Variants in STXBP2 observed in about 807,000 individuals in gnomAD.
STXBP2 encodes syntaxin-binding protein 2.
STXBP2 carries 47 observed loss-of-function variants against 72.2 expected under a neutral mutation model. The observed-to-expected ratio is 0.65, with a 90% confidence interval of 0.51 to 0.83. The LOEUF (loss-of-function observed/expected upper bound fraction) is 0.83. Ranked by LOEUF, STXBP2 falls within the 40% of genes least tolerant of loss-of-function variation. The pLI, the probability that STXBP2 is intolerant of heterozygous loss-of-function variation, is 0.00. For missense variants in STXBP2, 702 were observed against 807.6 expected, an observed-to-expected ratio of 0.87 and a Z score of 1.58; for synonymous variants, 367 against 338.7, an observed-to-expected ratio of 1.08 and a Z score of -0.92.
rs763174109 is a variant in STXBP2, at chr19:7,642,455, C to T, written c.821C>T (p.Ala274Val). The T allele has an allele frequency of 1.9e-5, 30 of 1,613,894 alleles. No homozygotes were observed. The highest frequency in any genetic ancestry group is 8.3e-5 in the Admixed American group (5 of 60,002). Residue 274 changes from alanine to valine, a missense_variant, in exon 10 of 19, where the codon GCG (alanine) becomes GTG (valine). Physicochemically the swap from Ala to Val is moderately conservative, Grantham distance 64. Coordinates refer to ENST00000221283, the MANE Select transcript of STXBP2 (RefSeq NM_006949.4). The surrounding 1 kb of genome is among the most constrained non-coding windows in gnomAD (Gnocchi z 6.0). ...TATGAGACCACCGGGCTGAGCGAGGCGCGGGAGAAGGCCGTCTTGCTGGAC... is the reference window on the plus strand; with the variant it reads ...TATGAGACCACCGGGCTGAGCGAGGTGCGGGAGAAGGCCGTCTTGCTGGAC... ...YRYETTGLSE[A>V]REKAVLLDED...
intron 4 of STXBP2, chr19:7,640,352 G>C (rs1339749720): frequency 1.8e-6 from 1 of 560,030 alleles, no homozygotes; most frequent in African/African-American, 1.9e-5. Flanking sequence ...GTATGCGTCT[G>C]TGCATGTGTG....
Position 7,644,712 on chromosome 19 carries a change from C to A in STXBP2, c.1206C>A (p.Asp402Glu). Residue 402 changes from aspartate (D) to glutamate (E), a missense_variant, in exon 14 of 19, where the codon GAC (aspartate) becomes GAA (glutamate). Physicochemically the swap from Asp to Glu is conservative, Grantham distance 45. Coordinates refer to ENST00000221283, the MANE Select transcript of STXBP2 (RefSeq NM_006949.4). ...TGGACGCGGCGGTGCCCGCCTACGACAAGATCCGGGTCCTGCTGCTCTACA... is the reference window on the plus strand; with the variant it reads ...TGGACGCGGCGGTGCCCGCCTACGAAAAGATCCGGGTCCTGCTGCTCTACA... ...VLLDAAVPAYDKIRVLLLYIL... is the reference protein window; with the variant it reads ...VLLDAAVPAYEKIRVLLLYIL... The A allele has an allele frequency of 6.2e-7, 1 of 1,613,798 alleles. No individual in the cohort carries two copies. Among genetic ancestry groups the A allele is most frequent in the Non-Finnish European group, 8.5e-7 (1 of 1,179,860 alleles).
At chr19:7,645,889 T>G in intron 15 of STXBP2, 1 of 375,810 alleles carries the variant, frequency 2.7e-6, no homozygotes, top group East Asian at 4.7e-5. Flanking sequence ...CTTGCTCCCC[T>G]CCCCTCTCCG....
chr19:7,633,332 C>A, upstream of STXBP2: 3 of 1,373,078 alleles, frequency 2.2e-6, no homozygotes, highest in South Asian at 3.8e-5. Context: ...AATTAGGTGC[C>A]CTACAAACTA....
rs774398234 is a variant in STXBP2, at chr19:7,646,449, C to T, written c.1452+105C>T. 1.4e-5 allele frequency: 15 copies of T among 1,056,394 alleles called. No homozygotes were observed. In the East Asian group the frequency reaches 2.3e-4, roughly 16 times the overall value. The allele number at this position is 1,056,394 out of a possible 1,614,324, so 65.4% of individuals were successfully genotyped here. Reference sequence around the variant, plus strand: ...GCCTCAGGGCTTAGGGGAAAATGCTCATTGCTGGCATTCCCTTGGCACCGA... The same window carrying T: ...GCCTCAGGGCTTAGGGGAAAATGCTTATTGCTGGCATTCCCTTGGCACCGA... On this transcript the variant is annotated intron_variant, in intron 16 of 18. Transcript: ENST00000221283.
chr19:7,631,309 C>T, the STXBP2 span: 31 of 1,412,520 alleles, frequency 2.2e-5, no homozygotes, highest in Admixed American at 3.0e-4. Flanking sequence ...GCGGATCCCA[C>T]GCGGACCCCT....
At position 7,647,648 on chromosome 19, in the gene STXBP2, C is replaced by A. The variant is rs2032190572; in HGVS notation, c.1697-77C>A. The A allele has an allele frequency of 1.1e-5, 18 of 1,599,962 alleles. No individual in the cohort carries two copies. In the South Asian group the frequency reaches 1.7e-4, roughly 15 times the overall value. ...GCTGAGGGACAGGGACAGCCCCACA[C>A]CAGCCGGGACCGGGAGCCTGTCAAA... is the stretch of plus-strand genomic sequence containing the variant. On this transcript the variant is annotated intron_variant, in intron 18 of 18. Coordinates refer to ENST00000221283, the MANE Select transcript of STXBP2 (RefSeq NM_006949.4).
Position 7,647,213 on chromosome 19 carries a change from C to T in STXBP2, c.1504C>T (p.Pro502Ser). 1 of 1,611,908 alleles carries T rather than the reference C, an allele frequency of 6.2e-7. No homozygotes were observed. The highest frequency in any genetic ancestry group is 8.5e-7 in the Non-Finnish European group (1 of 1,179,812). Residue 502 changes from proline to serine, a missense_variant, in exon 17 of 19, where the codon CCC becomes TCC. Pro to Ser is a moderately conservative substitution (Grantham distance 74, BLOSUM62 -1). Transcript: ENST00000221283. ...GAACCTGTGGCCCTTCGTATCCGAC[C>T]CCGCCCCCACGGCCAGCTCCCAGGC... ...DRNLWPFVSDPAPTASSQAAV... is the reference protein window; with the variant it reads ...DRNLWPFVSDSAPTASSQAAV...
At position 7,642,318 on chromosome 19, in the gene STXBP2, A is replaced by G; in HGVS notation, c.779A>G (p.Glu260Gly). 1 of 1,614,096 alleles carries G rather than the reference A, an allele frequency of 6.2e-7. No homozygotes were observed. Among genetic ancestry groups the G allele is most frequent in the South Asian group, 1.1e-5 (1 of 91,086 alleles). ...ATGGCGTATGATCTGCTGGACATAG[A>G]GCAGGACACATACAGGTCTGCAGAC... Reference protein sequence around the residue: ...QAMAYDLLDIEQDTYRYETTG... With the variant: ...QAMAYDLLDIGQDTYRYETTG... The change falls in exon 9 of 19, where the codon GAG becomes GGG. Residue 260 changes from glutamate (E) to glycine (G), a missense_variant. Physicochemically the swap from Glu to Gly is moderately conservative, Grantham distance 98. Coordinates refer to ENST00000221283, the MANE Select transcript of STXBP2 (RefSeq NM_006949.4). This position sits in a 1 kb window ranked among gnomAD's most constrained non-coding sequence, Gnocchi z 6.0.
chr19:7,636,933 C>T (rs1235470793), upstream of STXBP2: 1 of 411,226 alleles, frequency 2.4e-6, no homozygotes, highest in South Asian at 1.4e-4. Flanking sequence ...GTGTGCACCT[C>T]CAGCGACTTC....
intron 13 of STXBP2, 68 bp downstream of exon 13, chr19:7,643,313 A>C: frequency 2.1e-6 from 3 of 1,406,392 alleles, no homozygotes; most frequent in Non-Finnish European, 3.0e-6. Flanking sequence ...GAGGGGCTGA[A>C]CTGTAGAGAT....
rs1568469296 is a variant in STXBP2, at chr19:7,644,015, T to TTGGAGAG, written c.1108-599_1108-598insTGGAGAG. 2.2e-3 allele frequency among the ~76,000 whole-genome samples: 318 copies of TTGGAGAG among 142,794 alleles called. 21 individuals carry two copies. Among genetic ancestry groups the TTGGAGAG allele is most frequent in the Admixed American group, 7.1e-3 (100 of 14,168 alleles). The allele number at this position is 142,794 out of a possible 152,430, so 93.7% of individuals were successfully genotyped here. A position where few individuals can be genotyped will look rare whatever the true frequency, so the allele number is the denominator to read the frequency against. On this transcript the variant is annotated intron_variant, in intron 13 of 18. Coordinates refer to ENST00000221283, the MANE Select transcript of STXBP2 (RefSeq NM_006949.4). ...TGGGACCTGGGTGAGGGGTGGAACC[T>TTGGAGAG]CGGAGAGGTGGGACCTGGGTGAGGG...
rs142899327 is a variant in STXBP2 at position 7,641,815 on chromosome 19, C to T, written c.540C>T (p.Cys180=). 11 of 1,551,870 alleles carry T rather than the reference C, an allele frequency of 7.1e-6. No homozygotes were observed. The African/African-American group carries it at 1.1e-4, about 15-fold the overall frequency. ...EVLAQQIATL[C]ATLQEYPAIR... is the part of the protein sequence containing the mutation. The stretch of plus-strand genomic sequence containing the variant: ...TGGCCCAGCAGATTGCCACGCTGTG[C>T]GCCACCCTGCAGGAGTACCCGGCCA... Residue 180 remains cysteine (C), a synonymous_variant, in exon 7 of 19, where the codon TGC becomes TGT. Coordinates refer to ENST00000221283, the MANE Select transcript of STXBP2 (RefSeq NM_006949.4).
In STXBP2 at chr19:7,643,357, G is replaced by C. The variant is rs371745036; in HGVS notation, c.1107+112G>C. ...CTGGGGGAGGGGCAGGGCTTGTGGA[G>C]AGGTGGAGGGGCCTTGGAGAGAGGT... On this transcript the variant is annotated intron_variant, in intron 13 of 18. Transcript: ENST00000221283. 2.0e-5 allele frequency: 24 copies of C among 1,198,484 alleles called. No homozygotes were observed. In the East Asian group the frequency reaches 5.8e-4, roughly 29 times the overall value. The allele number at this position is 1,198,484 out of a possible 1,614,324, so 74.2% of individuals were successfully genotyped here.
At chr19:7,634,514 T>G (rs2031456128), upstream of STXBP2, among the ~76,000 whole-genome samples, 1 of 152,206 alleles carries the variant, frequency 6.6e-6, no homozygotes, top group South Asian at 2.1e-4. Flanking sequence ...CCAGATGGCT[T>G]AAAACACATA....
intron 1 of STXBP2, 90 bp from the exon 2 acceptor site, chr19:7,638,636 A>AT: frequency 3.0e-6 from 4 of 1,319,028 alleles, no homozygotes; most frequent in Non-Finnish European, 4.3e-6. Context: ...GGGAATTAAG[A>AT]TGGGGGTTCA....
In STXBP2 at chr19:7,642,101, A is replaced by G. The variant is rs772720500; in HGVS notation, c.646A>G (p.Thr216Ala). The change falls in exon 8 of 19, where the codon ACT (threonine) becomes GCT (alanine). Residue 216 changes from threonine (T) to alanine (A), a missense_variant. Transcript: ENST00000221283. The surrounding 1 kb of genome is among the most constrained non-coding windows in gnomAD (Gnocchi z 6.0). The part of the protein sequence containing the change: ...LAKLNAFKAD[T>A]PSLGEGPEKT... ...CAAGCTGAACGCCTTCAAGGCAGAC[A>G]CTCCCAGTCTGGGCGAGGTGAGGGG... The G allele has an allele frequency of 6.8e-6, 11 of 1,613,494 alleles. No individual in the cohort carries two copies. The East Asian group carries it at 1.8e-4, about 26-fold the overall frequency.
At chr19:7,631,456 C>T in the STXBP2 span, 18 of 1,532,090 alleles carry the variant, frequency 1.2e-5, no homozygotes, top group Non-Finnish European at 1.4e-5. Context: ...CTGTCCCACC[C>T]GCTTCTCCAC....
rs1475601361 is a variant in STXBP2 at position 7,645,166 on chromosome 19, C to T, written c.1247-31C>T. 36 of 1,549,154 alleles carry T rather than the reference C, an allele frequency of 2.3e-5. 1 individual carries two copies. The highest frequency in any genetic ancestry group is 2.0e-4 in the East Asian group (8 of 40,990). Reference sequence around the variant, plus strand: ...TAAACCTGGGAGCTCACCTGGCCGCCGCCTCCACCCTGCCCATTCCCGTCC... The same window carrying T: ...TAAACCTGGGAGCTCACCTGGCCGCTGCCTCCACCCTGCCCATTCCCGTCC... On this transcript the variant is annotated intron_variant, in intron 14 of 18. Coordinates refer to ENST00000221283, the MANE Select transcript of STXBP2 (RefSeq NM_006949.4).
Sources: gnomAD v4.1 joint callset for allele counts (sites outside exome capture counted in the v4.1 genomes callset) on GRCh38, gnomAD v4.1.1 for gene constraint, Gnocchi (gnomAD v3.1) non-coding constraint, MANE v1.5 for transcripts, NCBI Gene and HGNC (gene_info 2026-07-23, HGNC 2026-07-21) for gene names.